The following ATP6V0A1 variants were observed in gnomAD, a reference collection of about 807,000 sequenced individuals.
ATP6V0A1 encodes the protein V-type proton ATPase 116 kDa subunit a 1.
Under a neutral mutation model 105.4 loss-of-function variants are expected in ATP6V0A1, and 43 were observed. The ratio of observed to expected loss-of-function variants is 0.41; its 90% CI spans 0.32 to 0.53. ATP6V0A1 has a LOEUF of 0.53. Ranked by LOEUF, ATP6V0A1 falls within the 20% of genes least tolerant of loss-of-function variation. The probability of loss-of-function intolerance (pLI) is 0.30; values close to 1 mark genes in which losing one functional copy is unlikely to be tolerated. For missense variants in ATP6V0A1, 676 were observed against 1,051.1 expected, an observed-to-expected ratio of 0.64 and a Z score of 4.93; for synonymous variants, 362 against 372.8, an observed-to-expected ratio of 0.97 and a Z score of 0.33.
At chr17:42,502,322 C>T (rs1297949327) in intron 17 of ATP6V0A1, among the ~76,000 whole-genome samples, 1 of 152,168 alleles carries the variant, frequency 6.6e-6, no homozygotes, top group Non-Finnish European at 1.5e-5. Context: ...GCCTGGGCAA[C>T]CACAGGACTG....
chr17:42,491,439 T>C (rs896750516), intron 11 of ATP6V0A1, among the ~76,000 whole-genome samples: 6 of 152,244 alleles, frequency 3.9e-5, no homozygotes, highest in Admixed American at 6.5e-5. Context: ...GCCTCCCGAA[T>C]AGCTGGGACT....
At chr17:42,462,367 G>A (rs1042451813) in intron 2 of ATP6V0A1, among the ~76,000 whole-genome samples, 14 of 151,940 alleles carry the variant, frequency 9.2e-5, no homozygotes, top group Admixed American at 6.6e-4. Context: ...GAGGTAACCC[G>A]TACAGTGATT....
At position 42,490,493 on chromosome 17, in the gene ATP6V0A1, A is replaced by C. The variant is rs372582548; in HGVS notation, c.1030A>C (p.Ser344Arg). The change falls in exon 11 of 22, where the codon AGT (serine) becomes CGT (arginine). Residue 344 changes from serine (S) to arginine (R), a missense_variant. Ser to Arg is a moderately radical substitution (Grantham distance 110). Around this residue, in one of 3 missense-constraint regions of ATP6V0A1, gnomAD observed 435 missense variants for 642.2 expected, o/e 0.68. Coordinates refer to ENST00000343619, the MANE Select transcript of ATP6V0A1 (RefSeq NM_001130021.3). ...QFALRRGTEH[S>R]GSTVPSILNR... ...ATGTGCTAATGTTTTTCAGGAACAC[A>C]GTGGTTCCACTGTACCTTCCATTTT... 3.1e-6 allele frequency: 5 copies of C among 1,596,960 alleles called. No individual in the cohort carries two copies. The highest frequency in any genetic ancestry group is 4.3e-6 in the Non-Finnish European group (5 of 1,175,316).
At chr17:42,509,669 C>T (rs576468827) in intron 19 of ATP6V0A1, 3 of 152,390 alleles carry the variant, frequency 2.0e-5, no homozygotes, top group African/African-American at 7.2e-5. Flanking sequence ...TTCCCTGGCT[C>T]ACTACCTCCA....
chr17:42,491,871 C>T (rs2090669426), intron 11 of ATP6V0A1, among the ~76,000 whole-genome samples: 1 of 151,610 alleles, frequency 6.6e-6, no homozygotes, highest in Admixed American at 6.6e-5. Context: ...CCCGCCTTGG[C>T]CTCCCAAAGT....
chr17:42,513,696 C>T, intron 19 of ATP6V0A1, 165 bp from the exon 20 acceptor site: 4 of 670,590 alleles, frequency 6.0e-6, no homozygotes, highest in Non-Finnish European at 1.0e-5. Context: ...ACCACCTGAG[C>T]TCAACACTGG....
intron 2 of ATP6V0A1, among the ~76,000 whole-genome samples, chr17:42,464,722 A>G (rs2086835797): frequency 6.6e-6 from 1 of 152,132 alleles, no homozygotes; most frequent in South Asian, 2.1e-4. Context: ...GTATGTTTCT[A>G]TGTGTGTATG....
At chr17:42,481,988 C>T (rs1196170836) in intron 8 of ATP6V0A1, among the ~76,000 whole-genome samples, 1 of 151,702 alleles carries the variant, frequency 6.6e-6, no homozygotes, top group Admixed American at 6.6e-5. Context: ...ACTGCAGATG[C>T]GTGCCAGCAC....
chr17:42,483,153 A>G, intron 9 of ATP6V0A1, 22 bp downstream of exon 9: 2 of 1,458,578 alleles, frequency 1.4e-6, no homozygotes, highest in Non-Finnish European at 1.8e-6. Context: ...GCTGGAGGGA[A>G]TTTGTTTTTG....
chr17:42,499,616 G>A (rs1220356593), intron 15 of ATP6V0A1, among the ~76,000 whole-genome samples: 4 of 151,066 alleles, frequency 2.6e-5, no homozygotes, highest in East Asian at 3.9e-4. Context: ...GTGAAACTCC[G>A]TCTCTACTAA....
intron 21 of ATP6V0A1, chr17:42,519,230 C>T (rs1483921284): frequency 1.3e-5 from 2 of 151,968 alleles, no homozygotes; most frequent in African/African-American, 2.4e-5. Context: ...GGAGGGGTGC[C>T]AAGAAAAGGG....
intron 5 of ATP6V0A1, among the ~76,000 whole-genome samples, chr17:42,471,742 T>G (rs1012159837): frequency 3.3e-5 from 5 of 151,558 alleles, no homozygotes; most frequent in African/African-American, 1.2e-4. Context: ...AAAAAAAAAA[T>G]GTAGGTGACT....
intron 5 of ATP6V0A1, among the ~76,000 whole-genome samples, chr17:42,471,819 T>G (rs1186326404): frequency 1.3e-5 from 2 of 152,164 alleles, no homozygotes. Context: ...TCCAGAATGC[T>G]CCCTTCTCCT....
chr17:42,489,979 A>C (rs1359345214), intron 10 of ATP6V0A1, among the ~76,000 whole-genome samples: 2 of 152,180 alleles, frequency 1.3e-5, no homozygotes, highest in Non-Finnish European at 2.9e-5. Flanking sequence ...TTCACCAAAG[A>C]TCTCCAATGT....
chr17:42,487,477 C>T (rs2090210544), intron 10 of ATP6V0A1, 110 bp downstream of exon 10: 1 of 1,118,516 alleles, frequency 8.9e-7, no homozygotes, highest in Non-Finnish European at 1.3e-6. Flanking sequence ...CCTGTAATCC[C>T]AGAACTTTGG....
At chr17:42,491,093 A>G (rs2090578529) in intron 11 of ATP6V0A1, among the ~76,000 whole-genome samples, 1 of 151,704 alleles carries the variant, frequency 6.6e-6, no homozygotes, top group Non-Finnish European at 1.5e-5. Context: ...AATTTTTTTT[A>G]GAGACGGGGT....
intron 16 of ATP6V0A1, 85 bp downstream of exon 16, chr17:42,501,008 A>G: frequency 1.4e-6 from 2 of 1,416,676 alleles, no homozygotes; most frequent in Admixed American, 3.5e-5. Flanking sequence ...AAAATTTATA[A>G]CTGCCCTTCT....
At chr17:42,503,280 A>G (rs1474009230) in intron 17 of ATP6V0A1, among the ~76,000 whole-genome samples, 1 of 152,236 alleles carries the variant, frequency 6.6e-6, no homozygotes, top group African/African-American at 2.4e-5. Flanking sequence ...TGCACTTTAG[A>G]GTTCTACTTT....
chr17:42,493,060 C>T (rs531065457), intron 11 of ATP6V0A1, among the ~76,000 whole-genome samples: 3 of 152,294 alleles, frequency 2.0e-5, no homozygotes, highest in African/African-American at 4.8e-5. Context: ...TGTGCCCTCA[C>T]AGCCCTAAAA....
Sources: gnomAD v4.1 joint callset for allele counts (sites outside exome capture counted in the v4.1 genomes callset) on GRCh38, gnomAD v4.1.1 for gene constraint, gnomAD v4.1.1 regional missense constraint, MANE v1.5 for transcripts, NCBI Gene and HGNC (gene_info 2026-07-23, HGNC 2026-07-21) for gene names.